Variants in CUEDC2 observed in about 807,000 individuals in gnomAD.
The protein encoded by CUEDC2 is CUE domain containing 2, also known as CUE domain-containing protein 2.
CUEDC2 carries 10 observed loss-of-function variants against 36.0 expected under a neutral mutation model. The ratio of observed to expected loss-of-function variants is 0.28; its 90% CI spans 0.17 to 0.47. The LOEUF is 0.47. Among genes scored for constraint, CUEDC2 ranks in the 20% least tolerant of loss-of-function variants. The probability of loss-of-function intolerance (pLI) is 0.99; values close to 1 mark genes in which losing one functional copy is unlikely to be tolerated. For synonymous variants in CUEDC2, 133 were observed against 141.8 expected, an observed-to-expected ratio of 0.94 and a Z score of 0.44; for missense variants, 269 against 368.1, an observed-to-expected ratio of 0.73 and a Z score of 2.20.
intron 1 of CUEDC2, among the ~76,000 whole-genome samples, chr10:102,426,388 C>G (rs966617803): frequency 6.6e-6 from 1 of 152,160 alleles, no homozygotes; most frequent in Non-Finnish European, 1.5e-5. Flanking sequence ...GCACCTCACA[C>G]TCATCATAGA....
chr10:102,424,705 C>T lies in CUEDC2; in HGVS notation c.162G>A (p.Met54Ile), dbSNP rs373065366. 4.1e-5 allele frequency: 66 copies of T among 1,614,042 alleles called. No individual in the cohort carries two copies. The highest frequency in any genetic ancestry group is 5.0e-5 in the Non-Finnish European group (59 of 1,180,022). Residue 54 changes from methionine (M) to isoleucine (I), a missense_variant, in exon 3 of 9, where the codon ATG (methionine) becomes ATA (isoleucine). Met to Ile is a conservative substitution (Grantham distance 10, BLOSUM62 1). Transcript: ENST00000369937. This position sits in a 1 kb window ranked among gnomAD's most constrained non-coding sequence, Gnocchi z 4.2. ...PSGPSEENFD[M>I]EAFTEMMEAY... is the part of the protein sequence containing the mutation. Reference sequence around the variant, plus strand: ...CCTCCATCATCTCAGTGAAAGCCTCCATATCGAAGTTCTCCTCTGATGGGC... The same window carrying T: ...CCTCCATCATCTCAGTGAAAGCCTCTATATCGAAGTTCTCCTCTGATGGGC...
Position 102,423,631 on chromosome 10 carries a change from T to C in CUEDC2, c.717+26A>G. 6.2e-7 allele frequency: 1 copy of C among 1,614,118 alleles called. No homozygotes were observed. Among genetic ancestry groups the C allele is most frequent in the Non-Finnish European group, 8.5e-7 (1 of 1,180,016 alleles). On this transcript the variant is annotated intron_variant, in intron 8 of 8. Transcript: ENST00000369937. The surrounding 1 kb of genome is among the most constrained non-coding windows in gnomAD (Gnocchi z 5.6). ...AGGAGCCAGTCCCACCCATTCCGCA[T>C]CCCCAGCAACCCTTAACTCTCTCAC...
chr10:102,427,517 C>T (rs1256785073), intron 1 of CUEDC2, among the ~76,000 whole-genome samples: 8 of 152,198 alleles, frequency 5.3e-5, no homozygotes, highest in African/African-American at 1.9e-4. Context: ...TGTCCAGGCA[C>T]CCGGCTGTTC....
In CUEDC2 at chr10:102,424,443, G is replaced by A; in HGVS notation, c.281-49C>T. On this transcript the variant is annotated intron_variant, in intron 4 of 8. Transcript: ENST00000369937. The surrounding 1 kb of genome is among the most constrained non-coding windows in gnomAD (Gnocchi z 4.2). ...AGGTTTGCCAAGGCTCTGGGGAGCA[G>A]GCAGTTGGGGGAGCGGGATTATGAA... 5 of 1,614,098 alleles carry A rather than the reference G, an allele frequency of 3.1e-6. No homozygotes were observed. Among genetic ancestry groups the A allele is most frequent in the Non-Finnish European group, 4.2e-6 (5 of 1,179,980 alleles).
chr10:102,423,963 G>A lies in CUEDC2; in HGVS notation c.594+33C>T, dbSNP rs1272736211. ...TAACACCAAGGTGGAATGTAGCTGAGGCTACATGGTAGAGGGTGCTGGGAA... is the reference window on the plus strand; with the variant it reads ...TAACACCAAGGTGGAATGTAGCTGAAGCTACATGGTAGAGGGTGCTGGGAA... On this transcript the variant is annotated intron_variant, in intron 6 of 8. Transcript: ENST00000369937. The surrounding 1 kb of genome is among the most constrained non-coding windows in gnomAD (Gnocchi z 5.6). 6.2e-7 allele frequency: 1 copy of A among 1,607,278 alleles called. No homozygotes were observed. Among genetic ancestry groups the A allele is most frequent in the Admixed American group, 1.7e-5 (1 of 59,512 alleles).
Position 102,424,244 on chromosome 10 carries a change from G to T in CUEDC2, c.411+20C>A. On this transcript the variant is annotated intron_variant, in intron 5 of 8. Transcript: ENST00000369937. This position sits in a 1 kb window ranked among gnomAD's most constrained non-coding sequence, Gnocchi z 4.2. ...TTCCAGCCCCCTGGGTCCCTCATCG[G>T]TACCCTCCTCTACCAGTACCTCATC... 6.2e-7 allele frequency: 1 copy of T among 1,612,124 alleles called. No individual in the cohort carries two copies. The highest frequency in any genetic ancestry group is 1.1e-5 in the South Asian group (1 of 90,864).
At chr10:102,432,153 G>A (rs770895338) in intron 1 of CUEDC2, among the ~76,000 whole-genome samples, 1 of 152,188 alleles carries the variant, frequency 6.6e-6, no homozygotes, top group Non-Finnish European at 1.5e-5. Flanking sequence ...CAAGGGCATT[G>A]AGGGGAACAA....
intron 1 of CUEDC2, among the ~76,000 whole-genome samples, chr10:102,429,445 T>G (rs2061608776): frequency 6.6e-6 from 1 of 151,698 alleles, no homozygotes; most frequent in Middle Eastern, 3.4e-3. Flanking sequence ...GGGGCTACTC[T>G]GGGGAAGGGA....
At position 102,424,216 on chromosome 10, in the gene CUEDC2, C is replaced by T. The variant is rs188851626; in HGVS notation, c.412-38G>A. On this transcript the variant is annotated intron_variant, in intron 5 of 8. Transcript: ENST00000369937. This position sits in a 1 kb window ranked among gnomAD's most constrained non-coding sequence, Gnocchi z 4.2. ...ACGTTAACAAGAGGCAATACTCCCC[C>T]CTTTCCAGCCCCCTGGGTCCCTCAT... The T allele has an allele frequency of 2.4e-4, 383 of 1,610,630 alleles. 1 individual carries two copies. In the African/African-American group the frequency reaches 3.6e-3, roughly 15 times the overall value.
In CUEDC2 at chr10:102,423,677, G is replaced by A. The variant is rs1050066028; in HGVS notation, c.697C>T (p.Arg233Trp). 24 of 1,614,182 alleles carry A rather than the reference G, an allele frequency of 1.5e-5. No individual in the cohort carries two copies. The highest frequency in any genetic ancestry group is 6.7e-5 in the East Asian group (3 of 44,886). The change falls in exon 8 of 9, where the codon CGG becomes TGG. Residue 233 changes from arginine (R) to tryptophan (W), a missense_variant. Physicochemically the swap from Arg to Trp is moderately radical, Grantham distance 101 (BLOSUM62 -3). Coordinates refer to ENST00000369937, the MANE Select transcript of CUEDC2 (RefSeq NM_024040.3). This position sits in a 1 kb window ranked among gnomAD's most constrained non-coding sequence, Gnocchi z 5.6. The stretch of plus-strand genomic sequence containing the variant: ...CTCACCTCCTTGGGAGCCATGGGCC[G>A]GTGAATCTTCTGATCCTCTGCGCTA... ...VDSAEDQKIH[R>W]PMAPKEAPKK...
rs2061586948 is a variant in CUEDC2 at position 102,424,251 on chromosome 10, C to T, written c.411+13G>A. Reference sequence around the variant, plus strand: ...CCCCTGGGTCCCTCATCGGTACCCTCCTCTACCAGTACCTCATCTTGGGTG... The same window carrying T: ...CCCCTGGGTCCCTCATCGGTACCCTTCTCTACCAGTACCTCATCTTGGGTG... On this transcript the variant is annotated intron_variant, in intron 5 of 8. Coordinates refer to ENST00000369937, the MANE Select transcript of CUEDC2 (RefSeq NM_024040.3). The surrounding 1 kb of genome is among the most constrained non-coding windows in gnomAD (Gnocchi z 4.2). The T allele has an allele frequency of 1.2e-6, 2 of 1,613,006 alleles. No homozygotes were observed. The highest frequency in any genetic ancestry group is 2.2e-5 in the East Asian group (1 of 44,880).
Position 102,424,736 on chromosome 10 carries a change from G to A in CUEDC2, c.131C>T (p.Pro44Leu). 3.7e-6 allele frequency: 6 copies of A among 1,614,028 alleles called. No homozygotes were observed. Among genetic ancestry groups the A allele is most frequent in the Non-Finnish European group, 5.1e-6 (6 of 1,180,006 alleles). The change falls in exon 3 of 9, where the codon CCC becomes CTC. Residue 44 changes from proline to leucine, a missense_variant. Physicochemically the swap from Pro to Leu is moderately conservative, Grantham distance 98. Transcript: ENST00000369937. The surrounding 1 kb of genome is among the most constrained non-coding windows in gnomAD (Gnocchi z 4.2). The part of the protein sequence containing the change: ...YVLGVLEDLG[P>L]SGPSEENFDM... Reference sequence around the variant, plus strand: ...GAAGTTCTCCTCTGATGGGCCCGAGGGGCCCAGGTCCTCCAGGACCCCAAG... The same window carrying A: ...GAAGTTCTCCTCTGATGGGCCCGAGAGGCCCAGGTCCTCCAGGACCCCAAG...
At chr10:102,429,680 C>T (rs2061609471) in intron 1 of CUEDC2, among the ~76,000 whole-genome samples, 1 of 147,740 alleles carries the variant, frequency 6.8e-6, no homozygotes, top group Non-Finnish European at 1.5e-5. Context: ...TCCCATCATG[C>T]AGCTCCCTCA....
intron 1 of CUEDC2, among the ~76,000 whole-genome samples, chr10:102,432,247 T>A (rs1452975288): frequency 1.3e-5 from 2 of 152,288 alleles, no homozygotes; most frequent in South Asian, 4.1e-4. Context: ...GGACGACCCC[T>A]GAAGCAGCAG....
chr10:102,430,344 T>C (rs889424594), intron 1 of CUEDC2, among the ~76,000 whole-genome samples: 10 of 151,340 alleles, frequency 6.6e-5, no homozygotes, highest in African/African-American at 2.4e-4. Flanking sequence ...TAATTTTGTA[T>C]TTTTAGTAGA....
intron 1 of CUEDC2, among the ~76,000 whole-genome samples, chr10:102,432,082 A>G (rs982653534): frequency 2.0e-5 from 3 of 152,292 alleles, no homozygotes; most frequent in African/African-American, 7.2e-5. Context: ...CCCTGGACCC[A>G]TAACGCAGGC....
rs1314295112 is a variant in CUEDC2, at chr10:102,423,404, C to A, written c.*22G>T. 1 of 1,614,096 alleles carries A rather than the reference C, an allele frequency of 6.2e-7. No homozygotes were observed. Among genetic ancestry groups the A allele is most frequent in the Non-Finnish European group, 8.5e-7 (1 of 1,180,012 alleles). Reference sequence around the variant, plus strand: ...CTCTGGGATCTGAGCCTAGAAGGCTCGGGCAGAGTCCGGCGAGTGCCTCAA... The same window carrying A: ...CTCTGGGATCTGAGCCTAGAAGGCTAGGGCAGAGTCCGGCGAGTGCCTCAA... On this transcript the variant is annotated 3_prime_UTR_variant, in exon 9 of 9. Coordinates refer to ENST00000369937, the MANE Select transcript of CUEDC2 (RefSeq NM_024040.3). This position sits in a 1 kb window ranked among gnomAD's most constrained non-coding sequence, Gnocchi z 5.6.
Position 102,424,371 on chromosome 10 carries a change from C to T in CUEDC2, c.304G>A (p.Gly102Ser). 6.2e-7 allele frequency: 1 copy of T among 1,614,098 alleles called. No homozygotes were observed. Among genetic ancestry groups the T allele is most frequent in the Non-Finnish European group, 8.5e-7 (1 of 1,180,004 alleles). Residue 102 changes from glycine (G) to serine (S), a missense_variant, in exon 5 of 9, where the codon GGT becomes AGT. Coordinates refer to ENST00000369937, the MANE Select transcript of CUEDC2 (RefSeq NM_024040.3). This position sits in a 1 kb window ranked among gnomAD's most constrained non-coding sequence, Gnocchi z 4.2. ...GAGATGGGCACCTGACCTTGGACAC[C>T]AGAGCTCTGCGGTTGCAGGTTCTCT... The part of the protein sequence containing the change: ...NKENLQPQSS[G>S]VQGQVPISPE...
At position 102,423,437 on chromosome 10, in the gene CUEDC2, G is replaced by A. The variant is rs745555678; in HGVS notation, c.853C>T (p.Arg285Cys). The change falls in exon 9 of 9, where the codon CGC becomes TGC. Residue 285 changes from arginine to cysteine, a missense_variant. Coordinates refer to ENST00000369937, the MANE Select transcript of CUEDC2 (RefSeq NM_024040.3). The surrounding 1 kb of genome is among the most constrained non-coding windows in gnomAD (Gnocchi z 5.6). ...YINLKPARKY[R>C]FH is the part of the protein sequence containing the mutation. The stretch of plus-strand genomic sequence containing the variant: ...GTCCGGCGAGTGCCTCAATGGAAGC[G>A]GTACTTTCTGGCTGGCTTGAGGTTG... 4 of 1,614,210 alleles carry A rather than the reference G, an allele frequency of 2.5e-6. No individual in the cohort carries two copies. Among genetic ancestry groups the A allele is most frequent in the Admixed American group, 1.7e-5 (1 of 60,018 alleles).
Sources: allele counts gnomAD v4.1 joint callset (sites outside exome capture counted in the v4.1 genomes callset), GRCh38; gene constraint gnomAD v4.1.1; non-coding constraint Gnocchi (gnomAD v3.1); transcripts MANE v1.5; gene names NCBI Gene and HGNC (gene_info 2026-07-23, HGNC 2026-07-21).